RARB: variants seen among roughly 807,000 people sequenced by gnomAD.
The protein encoded by RARB is retinoic acid receptor beta.
Under a neutral mutation model 51.9 loss-of-function variants are expected in RARB, and 17 were observed. The ratio of observed to expected loss-of-function variants is 0.33; its 90% confidence interval spans 0.22 to 0.49. The LOEUF is 0.49. Among genes scored for constraint, RARB ranks in the 20% least tolerant of loss-of-function variants. The pLI is 0.99. For missense variants in RARB, 369 were observed against 550.8 expected, an observed-to-expected ratio of 0.67 and a Z score of 3.30; for synonymous variants, 215 against 195.4, an observed-to-expected ratio of 1.10 and a Z score of -0.84.
chr3:25,260,860 G>A (rs771208249), intron 5 of RARB, among the ~76,000 whole-genome samples: 4 of 152,220 alleles, frequency 2.6e-5, no homozygotes, highest in East Asian at 1.9e-4. Context: ...GTGGCAGAAC[G>A]TACTCATTGG....
At chr3:25,176,932 G>A (rs1378810754) in intron 5 of RARB, among the ~76,000 whole-genome samples, 2 of 152,090 alleles carry the variant, frequency 1.3e-5, no homozygotes, top group Admixed American at 6.5e-5. Flanking sequence ...GAAAAGCGAG[G>A]GTTTGAAGTT....
intron 2 of RARB, among the ~76,000 whole-genome samples, chr3:25,499,708 G>A (rs1697200502): frequency 6.6e-6 from 1 of 152,140 alleles, no homozygotes; most frequent in Non-Finnish European, 1.5e-5. Context: ...TTGATGAAGG[G>A]AATAGTAGGA....
At chr3:24,967,153 C>T (rs1696293683) in intron 2 of RARB, among the ~76,000 whole-genome samples, 2 of 152,042 alleles carry the variant, frequency 1.3e-5, no homozygotes, top group African/African-American at 4.8e-5. Flanking sequence ...GGCCCGTGGG[C>T]TTCCATAGTA....
chr3:24,952,794 A>G (rs546533501), intron 2 of RARB, among the ~76,000 whole-genome samples: 227 of 151,750 alleles, frequency 1.5e-3, no homozygotes, highest in Admixed American at 3.8e-3. Flanking sequence ...CCAATCCTCA[A>G]TTTCCCTAAA....
At chr3:25,168,245 G>C (rs1042998715) in intron 4 of RARB, among the ~76,000 whole-genome samples, 2 of 151,866 alleles carry the variant, frequency 1.3e-5, no homozygotes, top group African/African-American at 2.4e-5. Context: ...TTTTGAGATG[G>C]AGTGTTGCTC....
At chr3:25,509,187 A>C (rs1031204725) in intron 3 of RARB, among the ~76,000 whole-genome samples, 3 of 152,212 alleles carry the variant, frequency 2.0e-5, no homozygotes, top group Non-Finnish European at 2.9e-5. Flanking sequence ...AGCTATCTCA[A>C]CTTGGGCACA....
intron 2 of RARB, among the ~76,000 whole-genome samples, chr3:25,045,792 G>A (rs888966856): frequency 1.3e-5 from 2 of 152,148 alleles, no homozygotes; most frequent in African/African-American, 4.8e-5. Context: ...ACTTCTTAAG[G>A]TTTAATATTT....
chr3:25,464,565 T>G (rs1172328163), intron 2 of RARB, among the ~76,000 whole-genome samples: 1 of 152,086 alleles, frequency 6.6e-6, no homozygotes, highest in East Asian at 1.9e-4. Flanking sequence ...CATTTAAGCT[T>G]GCTGGGAAAA....
At chr3:25,398,111 T>C (rs1255802336) in intron 5 of RARB, among the ~76,000 whole-genome samples, 1 of 152,110 alleles carries the variant, frequency 6.6e-6, no homozygotes, top group African/African-American at 2.4e-5. Context: ...AATTTATGTA[T>C]CCAGGCACTA....
chr3:25,024,034 T>G (rs1199239982), intron 2 of RARB, among the ~76,000 whole-genome samples: 1 of 152,326 alleles, frequency 6.6e-6, no homozygotes, highest in South Asian at 2.1e-4. Context: ...TGGGCTTAGA[T>G]AATCCCTAGG....
rs542698729 is a variant in RARB at position 25,101,651 on chromosome 3, T to G, written c.-327-30510T>G. ...TCCTTTTATTGCTAAATCTTTATGT[T>G]TTTTTTTTTTATTATATTCAGTATG... On this transcript the variant is annotated intron_variant, in intron 3 of 11. Transcript: ENST00000383772. 4.8e-3 allele frequency among the ~76,000 whole-genome samples: 696 copies of G among 144,994 alleles called. 17 individuals are homozygous for G. In the East Asian group the frequency reaches 0.064, roughly 13 times the overall value.
Position 25,369,119 on chromosome 3 carries a change from A to G in RARB, c.179-92074A>G, listed in dbSNP as rs73156078. On this transcript the variant is annotated intron_variant, in intron 5 of 11. Coordinates refer to the RARB transcript ENST00000383772. ...AATTACATAGCAATTTCTTTCACCT[A>G]TCCTGATTTTAATAAACATCTATGT... Among the ~76,000 whole-genome samples the G allele has an allele frequency of 6.5e-3, 989 of 152,282 alleles. 14 individuals carry two copies. The highest frequency in any genetic ancestry group is 0.022 in the African/African-American group (929 of 41,558).
intron 2 of RARB, among the ~76,000 whole-genome samples, chr3:24,919,088 G>A (rs1042761296): frequency 2.6e-5 from 4 of 152,072 alleles, no homozygotes; most frequent in African/African-American, 9.7e-5. Flanking sequence ...GTCCCTCATA[G>A]TAATTTTAAC....
intron 5 of RARB, among the ~76,000 whole-genome samples, chr3:25,185,913 A>G (rs553444787): frequency 6.6e-6 from 1 of 152,276 alleles, no homozygotes; most frequent in African/African-American, 2.4e-5. Flanking sequence ...GCAAAGGCTA[A>G]CATCATCTTT....
chr3:25,120,176 A>G (rs1436934762), intron 3 of RARB, among the ~76,000 whole-genome samples: 8 of 152,150 alleles, frequency 5.3e-5, no homozygotes. Context: ...CCAAATTACC[A>G]CAGGAACCAG....
intron 5 of RARB, among the ~76,000 whole-genome samples, chr3:25,384,846 G>T (rs1421479936): frequency 6.6e-6 from 1 of 152,174 alleles, no homozygotes; most frequent in Non-Finnish European, 1.5e-5. Context: ...CGTTCAGAAA[G>T]CTTAAAAGAA....
chr3:25,500,394 A>G (rs1278171878), intron 2 of RARB, among the ~76,000 whole-genome samples: 1 of 145,782 alleles, frequency 6.9e-6, no homozygotes. Context: ...CTCAGAGAAG[A>G]CTCCTTTGAA....
At chr3:24,973,867 T>C (rs1696452495) in intron 2 of RARB, among the ~76,000 whole-genome samples, 1 of 152,100 alleles carries the variant, frequency 6.6e-6, no homozygotes, top group African/African-American at 2.4e-5. Flanking sequence ...CTTTAGATTT[T>C]TTAAAATGTA....
intron 4 of RARB, among the ~76,000 whole-genome samples, chr3:25,151,971 G>GA (rs1700294352): frequency 6.6e-6 from 1 of 151,990 alleles, no homozygotes; most frequent in Non-Finnish European, 1.5e-5. Flanking sequence ...TGAGCAGAGG[G>GA]AAAATGACAT....
Sources: allele counts gnomAD v4.1 joint callset (sites outside exome capture counted in the v4.1 genomes callset), GRCh38; gene constraint gnomAD v4.1.1; transcripts MANE v1.5; gene names NCBI Gene and HGNC (gene_info 2026-07-23, HGNC 2026-07-21).